The following PRDM10 variants were observed in gnomAD, a reference collection of about 807,000 sequenced individuals.
PRDM10 encodes PR domain zinc finger protein 10.
Under a neutral mutation model 133.1 loss-of-function variants are expected in PRDM10, and 65 were observed. That is an observed-to-expected ratio of 0.49 (90% CI 0.40 to 0.60). PRDM10 has a LOEUF of 0.60. Among genes scored for constraint, PRDM10 ranks in the 20% least tolerant of loss-of-function variants. The pLI is 0.00. For missense variants in PRDM10, 1,137 were observed against 1,507.1 expected, an observed-to-expected ratio of 0.75 and a Z score of 4.07; for synonymous variants, 582 against 580.4, an observed-to-expected ratio of 1.00 and a Z score of -0.04.
In PRDM10 at chr11:129,918,655, C is replaced by T. The variant is rs769979079; in HGVS notation, c.2098G>A (p.Ala700Thr). The T allele has an allele frequency of 1.5e-5, 24 of 1,614,036 alleles. No homozygotes were observed. The highest frequency in any genetic ancestry group is 1.7e-6 in the Non-Finnish European group (2 of 1,180,012). ...GTCTTGGAGCGGCTGATGCGGTCGG[C>T]TTTCTTGGCCTCCCTCTCAGGATTA... The part of the protein sequence containing the change: ...MHNPEREAKK[A>T]DRISRSKTFK... Residue 700 changes from alanine (A) to threonine (T), a missense_variant, in exon 14 of 21, where the codon GCC becomes ACC. Transcript: ENST00000360871. The surrounding 1 kb of genome is among the most constrained non-coding windows in gnomAD (Gnocchi z 5.3).
chr11:129,942,939 C>T (rs535913836), intron 6 of PRDM10, among the ~76,000 whole-genome samples: 86 of 152,290 alleles, frequency 5.6e-4, no homozygotes, highest in African/African-American at 2.0e-3. Flanking sequence ...AAGCAAAATA[C>T]TCTCTAGCTC....
rs1317343333 is a variant in PRDM10, at chr11:129,955,570, G to A, written c.236C>T (p.Thr79Ile). The A allele has an allele frequency of 6.2e-7, 1 of 1,613,936 alleles. No homozygotes were observed. Among genetic ancestry groups the A allele is most frequent in the East Asian group, 2.2e-5 (1 of 44,878 alleles). ...VYIHPVEAAQ[T>I]LFTDPGQVAY... ...TACCTGGCCGGGGTCTGTAAACAGAGTCTAAACAAACAAACGAACAAAAAA... is the reference window on the plus strand; with the variant it reads ...TACCTGGCCGGGGTCTGTAAACAGAATCTAAACAAACAAACGAACAAAAAA... Residue 79 changes from threonine (T) to isoleucine (I), a missense_variant and splice_region_variant, in exon 4 of 21, where the codon ACT (threonine) becomes ATT (isoleucine). By Grantham distance (89) the Thr-to-Ile change is moderately conservative (BLOSUM62 -1). Coordinates refer to ENST00000360871, the MANE Select transcript of PRDM10 (RefSeq NM_199437.2).
intron 4 of PRDM10, among the ~76,000 whole-genome samples, chr11:129,951,846 T>C (rs867899460): frequency 2.0e-5 from 3 of 151,700 alleles, no homozygotes; most frequent in South Asian, 4.2e-4. Flanking sequence ...GGGGAATGCA[T>C]ACATGAAAAA....
In PRDM10 at chr11:129,970,808, G is replaced by A. The variant is rs550364970; in HGVS notation, c.-118-9726C>T. Among the ~76,000 whole-genome samples the A allele has an allele frequency of 2.6e-5, 4 of 152,168 alleles. No homozygotes were observed. The East Asian group carries it at 5.8e-4, about 22-fold the overall frequency. On this transcript the variant is annotated intron_variant, in intron 1 of 20. Coordinates refer to ENST00000360871, the MANE Select transcript of PRDM10 (RefSeq NM_199437.2). ...TGATCCACCCACCCTGGCCTCCCAA[G>A]TTGCTGGGATTACAGGCATGAATCA...
intron 1 of PRDM10, among the ~76,000 whole-genome samples, chr11:129,961,480 A>G (rs1305445197): frequency 6.6e-6 from 1 of 151,958 alleles, no homozygotes; most frequent in Non-Finnish European, 1.5e-5. Flanking sequence ...AATTTTTTAT[A>G]TTTTTAGTAG....
Position 129,944,906 on chromosome 11 carries a change from G to A in PRDM10, c.627C>T (p.Pro209=). ...PVLTRARASL[P]LVLYIDRFLG... is the part of the protein sequence containing the mutation. Reference sequence around the variant, plus strand: ...GAAACCTGTCTATGTAGAGCACCAGGGGGAGGCTCGCCCTGGCCCGGGTGA... The same window carrying A: ...GAAACCTGTCTATGTAGAGCACCAGAGGGAGGCTCGCCCTGGCCCGGGTGA... The change falls in exon 6 of 21, where the codon CCC becomes CCT. Residue 209 remains proline, a synonymous_variant. Transcript: ENST00000360871. 1 of 1,614,088 alleles carries A rather than the reference G, an allele frequency of 6.2e-7. No homozygotes were observed. Among genetic ancestry groups the A allele is most frequent in the South Asian group, 1.1e-5 (1 of 91,068 alleles).
intron 6 of PRDM10, among the ~76,000 whole-genome samples, chr11:129,944,341 TC>T (rs1951320267): frequency 6.6e-6 from 1 of 152,116 alleles, no homozygotes; most frequent in South Asian, 2.1e-4. Context: ...ACGCCTGTAA[TC>T]CCAGCACTTT....
chr11:129,906,398 G>T (rs1161806119), intron 19 of PRDM10, among the ~76,000 whole-genome samples: 1 of 152,126 alleles, frequency 6.6e-6, no homozygotes, highest in African/African-American at 2.4e-5. Context: ...CCAGAGAGGG[G>T]ATCACTCGAG....
At chr11:129,912,403 G>A (rs755767853) in intron 17 of PRDM10, among the ~76,000 whole-genome samples, 178 bp from the exon 18 acceptor site, 5 of 152,030 alleles carry the variant, frequency 3.3e-5, no homozygotes, top group Non-Finnish European at 7.4e-5. Flanking sequence ...CCAGGAGTTC[G>A]AGACCAGCCT....
At chr11:129,996,230 A>G (rs1432507726) in intron 1 of PRDM10, among the ~76,000 whole-genome samples, 1 of 152,186 alleles carries the variant, frequency 6.6e-6, no homozygotes, top group Non-Finnish European at 1.5e-5. Context: ...ATCCTGCAGG[A>G]CCTTCAGAGA....
chr11:129,949,582 A>C lies in PRDM10; in HGVS notation c.295-2212T>G, dbSNP rs183472172. On this transcript the variant is annotated intron_variant, in intron 4 of 20. Coordinates refer to ENST00000360871, the MANE Select transcript of PRDM10 (RefSeq NM_199437.2). ...GAGGAAGTCTTTGCAGTACTCACAG[A>C]AACATCCTTTTTCTGCTGTGCATCT... 1.3e-3 allele frequency among the ~76,000 whole-genome samples: 203 copies of C among 152,318 alleles called. 1 individual carries two copies. Among genetic ancestry groups the C allele is most frequent in the African/African-American group, 4.6e-3 (190 of 41,568 alleles).
chr11:129,977,255 T>TACACACACACACACAC (rs71057991), intron 1 of PRDM10, among the ~76,000 whole-genome samples: 23 of 132,490 alleles, frequency 1.7e-4, no homozygotes, highest in East Asian at 1.1e-3. Context: ...ATGACTAAAA[T>TACACACACACACACAC]ACACACACAC....
At chr11:129,908,893 ATTT>A (rs1463894532) in intron 19 of PRDM10, among the ~76,000 whole-genome samples, 1 of 151,238 alleles carries the variant, frequency 6.6e-6, no homozygotes, top group African/African-American at 2.4e-5. Context: ...GACGTGGCTA[ATTT>A]TTTTTGTGTT....
At chr11:129,909,653 G>A (rs1950124368) in intron 19 of PRDM10, among the ~76,000 whole-genome samples, 2 of 152,268 alleles carry the variant, frequency 1.3e-5, no homozygotes, top group East Asian at 1.9e-4. Context: ...ACTGAGGTCT[G>A]TTAAAGTCTA....
intron 10 of PRDM10, 100 bp from the exon 11 acceptor site, chr11:129,931,358 C>A: frequency 2.1e-6 from 3 of 1,431,516 alleles, no homozygotes; most frequent in Admixed American, 4.8e-5. Context: ...ATTCATAATA[C>A]TCAGAAAAAA....
chr11:129,912,216 G>C lies in PRDM10; in HGVS notation c.2851C>G (p.Pro951Ala). ...ACAGTGGACTGCTGTGACTGGTGAG[G>C]GGAAGTGGCCTGGAAGGAGAAAAAA... is the stretch of plus-strand genomic sequence containing the variant. ...QVVQVASATS[P>A]HQSQQSTVDV... is the part of the protein sequence containing the mutation. Residue 951 changes from proline (P) to alanine (A), a missense_variant, in exon 18 of 21, where the codon CCT (proline) becomes GCT (alanine). Physicochemically the swap from Pro to Ala is conservative, Grantham distance 27. This residue lies in a region of PRDM10 where 243 missense variants were observed against 259.2 expected (regional missense o/e 0.94). Transcript: ENST00000360871. The C allele has an allele frequency of 6.3e-7, 1 of 1,589,960 alleles. No individual in the cohort carries two copies. The highest frequency in any genetic ancestry group is 8.6e-7 in the Non-Finnish European group (1 of 1,165,580).
chr11:129,983,380 T>C (rs1400367556), intron 1 of PRDM10, among the ~76,000 whole-genome samples: 5 of 151,306 alleles, frequency 3.3e-5, no homozygotes, highest in African/African-American at 1.2e-4. Flanking sequence ...CTGCAAGCTC[T>C]GCCTCCCAGG....
At chr11:129,950,158 G>T (rs1591652619) in intron 4 of PRDM10, among the ~76,000 whole-genome samples, 1 of 151,912 alleles carries the variant, frequency 6.6e-6, no homozygotes. Flanking sequence ...AATCATTTGA[G>T]CCCAGGAGGT....
At chr11:129,990,656 G>A (rs1048976270) in intron 1 of PRDM10, among the ~76,000 whole-genome samples, 6 of 151,490 alleles carry the variant, frequency 4.0e-5, no homozygotes, top group African/African-American at 1.5e-4. Context: ...ATTTTGTAGA[G>A]ACGGAGGTCT....
Sources: allele counts gnomAD v4.1 joint callset (sites outside exome capture counted in the v4.1 genomes callset), GRCh38; gene constraint gnomAD v4.1.1; regional missense constraint gnomAD v4.1.1; non-coding constraint Gnocchi (gnomAD v3.1); transcripts MANE v1.5; gene names NCBI Gene and HGNC (gene_info 2026-07-23, HGNC 2026-07-21).